Variants in SARM1 observed in about 807,000 individuals in gnomAD.
The protein encoded by SARM1 is sterile alpha and TIR motif containing 1, also known as NAD(+) hydrolase SARM1.
Under a neutral mutation model 65.1 loss-of-function variants are expected in SARM1, and 60 were observed. The ratio of observed to expected loss-of-function variants is 0.92; its 90% CI spans 0.75 to 1.14. SARM1 has a LOEUF of 1.14. Among genes scored for constraint, SARM1 ranks in the 50% most tolerant of loss-of-function variants. The pLI, the probability that SARM1 is intolerant of heterozygous loss-of-function variation, is 0.00. For missense variants in SARM1, 913 were observed against 1,015.7 expected, an observed-to-expected ratio of 0.90 and a Z score of 1.37; for synonymous variants, 417 against 465.4, an observed-to-expected ratio of 0.90 and a Z score of 1.34.
At position 28,398,692 on chromosome 17, in the gene SARM1, C is replaced by T. The variant is rs782189772; in HGVS notation, c.*2406C>T. ...GGTCAAAAGTCCAGCCACACTCATTCATCCTTTCCCCAGGCCCATGAAGAG... is the reference window on the plus strand; with the variant it reads ...GGTCAAAAGTCCAGCCACACTCATTTATCCTTTCCCCAGGCCCATGAAGAG... On this transcript the variant is annotated 3_prime_UTR_variant, in exon 9 of 9. Coordinates refer to ENST00000585482, the MANE Select transcript of SARM1 (RefSeq NM_015077.4). The T allele has an allele frequency of 2.0e-5, 3 of 152,328 alleles. No homozygotes were observed. The highest frequency in any genetic ancestry group is 2.9e-5 in the Non-Finnish European group (2 of 68,132). 9.4% of individuals were successfully genotyped at this position (152,328 alleles called of 1,614,324 possible).
Position 28,400,017 on chromosome 17 carries a change from C to T in SARM1, c.*3731C>T. 5.2e-6 allele frequency: 2 copies of T among 388,240 alleles called. No individual in the cohort carries two copies. Among genetic ancestry groups the T allele is most frequent in the Non-Finnish European group, 9.6e-6 (2 of 207,570 alleles). The allele number at this position is 388,240 out of a possible 1,614,324, so 24.0% of individuals were successfully genotyped here. On this transcript the variant is annotated 3_prime_UTR_variant, in exon 9 of 9. Coordinates refer to ENST00000585482, the MANE Select transcript of SARM1 (RefSeq NM_015077.4). ...CAAGTGATCCTCCTGCCTCAGCCTC[C>T]TTAGTAGCTGGGACTACCAGTGCAT...
intron 2 of SARM1, among the ~76,000 whole-genome samples, chr17:28,382,152 G>C (rs1555585390): frequency 6.6e-6 from 1 of 152,118 alleles, no homozygotes; most frequent in Non-Finnish European, 1.5e-5. Context: ...TGCAGGGGTG[G>C]GCGTTGGGGG....
chr17:28,400,132 T>C lies in SARM1; in HGVS notation c.*3846T>C. ...CTGATCTTGAATTCCCGGGCTCAAG[T>C]GGTCCTCCTGCCTCAGCCTCCCACA... On this transcript the variant is annotated 3_prime_UTR_variant, in exon 9 of 9. Coordinates refer to ENST00000585482, the MANE Select transcript of SARM1 (RefSeq NM_015077.4). 4.3e-6 allele frequency: 1 copy of C among 234,578 alleles called. No homozygotes were observed. The highest frequency in any genetic ancestry group is 8.5e-6 in the Non-Finnish European group (1 of 118,166). 14.5% of individuals were successfully genotyped at this position (234,578 alleles called of 1,614,324 possible).
Position 28,381,401 on chromosome 17 carries a change from G to A in SARM1, c.669G>A (p.Leu223=). The change falls in exon 2 of 9, where the codon CTG becomes CTA. Residue 223 remains leucine (L), a synonymous_variant. Coordinates refer to ENST00000585482, the MANE Select transcript of SARM1 (RefSeq NM_015077.4). ...GCCGCCGCACGGACCCCGCGCTGCT[G>A]CGCCACTGCGCGCTGGCGCTGGGCA... is the stretch of plus-strand genomic sequence containing the variant. ...YWCRRTDPAL[L]RHCALALGNC... is the part of the protein sequence containing the mutation. 6.5e-7 allele frequency: 1 copy of A among 1,549,872 alleles called. No homozygotes were observed. The highest frequency in any genetic ancestry group is 8.7e-7 in the Non-Finnish European group (1 of 1,147,654).
intron 1 of SARM1, among the ~76,000 whole-genome samples, chr17:28,378,241 A>G (rs7218615): frequency 0.11 from 17,271 of 152,188 alleles, 1,147 homozygotes; most frequent in East Asian, 0.23. Context: ...AGGTGCCTCA[A>G]AAGGTCCCCA....
rs1555589318 is a variant in SARM1, at chr17:28,400,622, G to C, written c.*4336G>C. ...GGCCCTGCATTACCCAATCAGAACA[G>C]CCGGGATGAGCAGGAGGCCAGCTCC... On this transcript the variant is annotated 3_prime_UTR_variant, in exon 9 of 9. Transcript: ENST00000585482. 2 of 1,613,742 alleles carry C rather than the reference G, an allele frequency of 1.2e-6. No individual in the cohort carries two copies. The highest frequency in any genetic ancestry group is 1.1e-5 in the South Asian group (1 of 91,050).
rs1555584159 is a variant in SARM1, at chr17:28,372,282, G to C, written c.250G>C (p.Gly84Arg). 1.4e-6 allele frequency: 2 copies of C among 1,392,722 alleles called. No homozygotes were observed. Among genetic ancestry groups the C allele is most frequent in the Admixed American group, 3.7e-5 (1 of 27,322 alleles). 86.3% of individuals were successfully genotyped at this position (1,392,722 alleles called of 1,614,324 possible). The change falls in exon 1 of 9, where the codon GGC (glycine) becomes CGC (arginine). Residue 84 changes from glycine (G) to arginine (R), a missense_variant. Transcript: ENST00000585482. This position sits in a 1 kb window ranked among gnomAD's most constrained non-coding sequence, Gnocchi z 5.2. ...CTTGTCCGCGCTGAAGCAGGCGGGC[G>C]GCGCGCGGGCCGTGGGCGCCGGCCT... is the stretch of plus-strand genomic sequence containing the variant. ...QALSALKQAGGARAVGAGLAE... is the reference protein window; with the variant it reads ...QALSALKQAGRARAVGAGLAE...
In SARM1 at chr17:28,381,628, T is replaced by C. The variant is rs2068025426; in HGVS notation, c.896T>C (p.Leu299Pro). Residue 299 changes from leucine (L) to proline (P), a missense_variant, in exon 2 of 9, where the codon CTT becomes CCT. By Grantham distance (98) the Leu-to-Pro change is moderately conservative (BLOSUM62 -3). Transcript: ENST00000585482. Reference protein sequence around the residue: ...RSGTLALVEPLVASLDPGRFA... With the variant: ...RSGTLALVEPPVASLDPGRFA... ...GGCACGCTGGCGCTCGTGGAGCCGC[T>C]TGTGGCCTCGCTGGACCCTGGCCGC... 8 of 1,569,428 alleles carry C rather than the reference T, an allele frequency of 5.1e-6. No homozygotes were observed. The East Asian group carries it at 9.4e-5, about 18-fold the overall frequency.
intron 1 of SARM1, 38 bp from the exon 2 acceptor site, chr17:28,381,165 C>T (rs1199989760): frequency 1.9e-6 from 3 of 1,546,184 alleles, no homozygotes; most frequent in Non-Finnish European, 2.6e-6. Flanking sequence ...CCCCAAGCTG[C>T]GGCAATTCCA....
chr17:28,378,907 C>A (rs1597816827), intron 1 of SARM1, among the ~76,000 whole-genome samples: 1 of 152,182 alleles, frequency 6.6e-6, no homozygotes, highest in African/African-American at 2.4e-5. Context: ...TTATCACCTG[C>A]TCAGTCACTT....
chr17:28,395,732 ATATT>A (rs2068113008), intron 7 of SARM1, 169 bp from the exon 8 acceptor site: 1 of 648,444 alleles, frequency 1.5e-6, no homozygotes, highest in African/African-American at 1.8e-5. Flanking sequence ...CAAAGGAAAA[ATATT>A]TATTTTTTAT....
rs538961166 is a variant in SARM1 at position 28,391,409 on chromosome 17, G to A, written c.1923+2870G>A. The stretch of plus-strand genomic sequence containing the variant: ...CCCATGAAGGAGAAGATGCCAGGGC[G>A]GTGGGTCTTAGGATGAAGGCTCTGA... On this transcript the variant is annotated intron_variant, in intron 7 of 8. Transcript: ENST00000585482. Among the ~76,000 whole-genome samples the A allele has an allele frequency of 3.3e-4, 51 of 152,240 alleles. 3 individuals carry two copies. Among genetic ancestry groups the A allele is most frequent in the Admixed American group, 1.8e-3 (28 of 15,294 alleles).
At chr17:28,374,129 T>C (rs1207880232) in intron 1 of SARM1, 1 of 149,826 alleles carries the variant, frequency 6.7e-6, no homozygotes, top group Non-Finnish European at 1.5e-5. Context: ...ATACAAAAAT[T>C]AGCTGGGCAT....
chr17:28,387,155 C>G (rs183803227), intron 5 of SARM1, among the ~76,000 whole-genome samples: 1 of 151,954 alleles, frequency 6.6e-6, no homozygotes, highest in Non-Finnish European at 1.5e-5. Flanking sequence ...ATGACATGCT[C>G]AGATTTGGAT....
chr17:28,384,294 G>A lies in SARM1; in HGVS notation c.1090-63G>A, dbSNP rs2068038428. 3 of 1,349,032 alleles carry A rather than the reference G, an allele frequency of 2.2e-6. No individual in the cohort carries two copies. The highest frequency in any genetic ancestry group is 2.0e-6 in the Non-Finnish European group (2 of 983,074). 83.6% of individuals were successfully genotyped at this position (1,349,032 alleles called of 1,614,324 possible). A position where few individuals can be genotyped will look rare whatever the true frequency, so the allele number is the denominator to read the frequency against. On this transcript the variant is annotated intron_variant, in intron 2 of 8. Transcript: ENST00000585482. This position sits in a 1 kb window ranked among gnomAD's most constrained non-coding sequence, Gnocchi z 4.4. ...GAGAAGAGACAAGGAGAGGGACTGG[G>A]CACGTGTGGGAGCACCTGGAGAGCT...
At position 28,399,752 on chromosome 17, in the gene SARM1, G is replaced by A. The variant is rs2068173771; in HGVS notation, c.*3466G>A. 1 of 1,611,712 alleles carries A rather than the reference G, an allele frequency of 6.2e-7. No homozygotes were observed. Among genetic ancestry groups the A allele is most frequent in the South Asian group, 1.1e-5 (1 of 90,996 alleles). ...GAGAGAGAGTTTGGATTTCATGTGG[G>A]GAACCCTCAAGGCCTGTCTGGAGAA... On this transcript the variant is annotated 3_prime_UTR_variant, in exon 9 of 9. Transcript: ENST00000585482.
chr17:28,385,477 G>C lies in SARM1; in HGVS notation c.1630+202G>C. The C allele has an allele frequency of 1.7e-6, 1 of 578,096 alleles. No individual in the cohort carries two copies. 35.8% of individuals were successfully genotyped at this position (578,096 alleles called of 1,614,324 possible). On this transcript the variant is annotated intron_variant, in intron 5 of 8. Transcript: ENST00000585482. This position sits in a 1 kb window ranked among gnomAD's most constrained non-coding sequence, Gnocchi z 4.5. ...AGTTCCCAGTCTGAGGTGGGTAGGC[G>C]GTGGGAGGAAGGAGGCTATTAAACA...
At chr17:28,389,191 A>G (rs782745277) in intron 7 of SARM1, among the ~76,000 whole-genome samples, 2 of 152,210 alleles carry the variant, frequency 1.3e-5, no homozygotes, top group African/African-American at 2.4e-5. Flanking sequence ...GCCTTGGGCA[A>G]GTTACTTAAC....
At position 28,400,363 on chromosome 17, in the gene SARM1, G is replaced by C. The variant is rs1394668793; in HGVS notation, c.*4077G>C. On this transcript the variant is annotated 3_prime_UTR_variant, in exon 9 of 9. Transcript: ENST00000585482. ...GGAGGGAAATAGGGGAACTGGGAGA[G>C]AGAACACAGCCTTGCCAAGCAGCAA... The C allele has an allele frequency of 5.9e-6, 3 of 505,920 alleles. No homozygotes were observed. Among genetic ancestry groups the C allele is most frequent in the African/African-American group, 5.8e-5 (3 of 51,894 alleles). The allele number at this position is 505,920 out of a possible 1,614,324, so 31.3% of individuals were successfully genotyped here. A position where few individuals can be genotyped will look rare whatever the true frequency, so the allele number is the denominator to read the frequency against.
Sources: gnomAD v4.1 joint callset for allele counts (sites outside exome capture counted in the v4.1 genomes callset) on GRCh38, gnomAD v4.1.1 for gene constraint, Gnocchi (gnomAD v3.1) non-coding constraint, MANE v1.5 for transcripts, NCBI Gene and HGNC (gene_info 2026-07-23, HGNC 2026-07-21) for gene names.